The following WWTR1 variants were observed in gnomAD, a reference collection of about 807,000 sequenced individuals.
WWTR1 encodes the protein WW domain containing transcription regulator 1.
WWTR1 carries 13 observed loss-of-function variants against 40.1 expected under a neutral mutation model. The ratio of observed to expected loss-of-function variants is 0.32; its 90% CI spans 0.21 to 0.52. The LOEUF (loss-of-function observed/expected upper bound fraction) is 0.52, where lower values mean the gene tolerates loss of function less well. Among genes scored for constraint, WWTR1 ranks in the 20% least tolerant of loss-of-function variants. The pLI is 0.97. For missense variants in WWTR1, 436 were observed against 523.1 expected (o/e 0.83, Z 1.63); for synonymous variants, 230 against 210.1 (o/e 1.09, Z -0.82).
intron 5 of WWTR1, among the ~76,000 whole-genome samples, chr3:149,717,110 C>G (rs1330561576): frequency 6.6e-6 from 1 of 152,044 alleles, no homozygotes; most frequent in Non-Finnish European, 1.5e-5. Flanking sequence ...GAGGCTGCAG[C>G]GAGCTGAGAT....
chr3:149,646,850 A>G (rs543119600), intron 2 of WWTR1, among the ~76,000 whole-genome samples: 25 of 152,308 alleles, frequency 1.6e-4, no homozygotes, highest in Admixed American at 3.3e-4. Flanking sequence ...TTTCTTTTCC[A>G]CTTTCCTCCC....
intron 1 of WWTR1, among the ~76,000 whole-genome samples, chr3:149,701,164 T>A (rs964166845): frequency 1.3e-5 from 2 of 152,214 alleles, no homozygotes; most frequent in African/African-American, 4.8e-5. Flanking sequence ...TTTTTAGGCA[T>A]ATGTAGTAAC....
chr3:149,667,752 C>T (rs725624), intron 2 of WWTR1, among the ~76,000 whole-genome samples: 30,132 of 151,902 alleles, frequency 0.2, 3,238 homozygotes, highest in Admixed American at 0.3. Flanking sequence ...CCAGTGGCTG[C>T]ACGTTGTAGT....
intron 2 of WWTR1, among the ~76,000 whole-genome samples, chr3:149,575,853 G>A (rs1360272760): frequency 6.6e-6 from 1 of 152,088 alleles, no homozygotes; most frequent in Non-Finnish European, 1.5e-5. Context: ...GACAGAGTGT[G>A]GGGCCTTCTG....
chr3:149,597,800 C>T (rs987727103), intron 2 of WWTR1, among the ~76,000 whole-genome samples: 8 of 152,152 alleles, frequency 5.3e-5, no homozygotes, highest in Non-Finnish European at 1.2e-4. Flanking sequence ...CACTTTACTT[C>T]GTGCCACTGA....
intron 4 of WWTR1, among the ~76,000 whole-genome samples, chr3:149,533,315 T>G (rs1735676194): frequency 6.6e-6 from 1 of 152,170 alleles, no homozygotes; most frequent in Non-Finnish European, 1.5e-5. Context: ...CTGAAATCTT[T>G]TCAAAGAGTG....
At chr3:149,556,027 G>C (rs896347886) in intron 3 of WWTR1, among the ~76,000 whole-genome samples, 2 of 152,234 alleles carry the variant, frequency 1.3e-5, no homozygotes, top group Non-Finnish European at 2.9e-5. Context: ...TGGAAACTGT[G>C]AGCTTGGAGT....
intron 4 of WWTR1, among the ~76,000 whole-genome samples, chr3:149,533,004 A>T (rs924620778): frequency 6.6e-6 from 1 of 152,174 alleles, no homozygotes; most frequent in African/African-American, 2.4e-5. Flanking sequence ...TTCACTCAGC[A>T]CCCCTTCCTT....
At chr3:149,556,701 G>GT (rs1324881765) in intron 3 of WWTR1, among the ~76,000 whole-genome samples, 1 of 152,088 alleles carries the variant, frequency 6.6e-6, no homozygotes, top group Non-Finnish European at 1.5e-5. Flanking sequence ...AAGGAATAAG[G>GT]TTTGGGGCAA....
intron 2 of WWTR1, among the ~76,000 whole-genome samples, chr3:149,640,204 T>C (rs1712085133): frequency 6.6e-6 from 1 of 152,144 alleles, no homozygotes; most frequent in African/African-American, 2.4e-5. Flanking sequence ...AATGCCTCTC[T>C]ACCAGTGTCA....
chr3:149,553,963 TCG>T (rs1426156459), intron 3 of WWTR1, among the ~76,000 whole-genome samples: 1 of 152,162 alleles, frequency 6.6e-6, no homozygotes, highest in East Asian at 1.9e-4. Context: ...GACGCGTCTC[TCG>T]CCCTCCTTGT....
chr3:149,710,728 C>T (rs1359749490), intron 5 of WWTR1, among the ~76,000 whole-genome samples: 5 of 151,516 alleles, frequency 3.3e-5, no homozygotes, highest in African/African-American at 4.8e-5. Flanking sequence ...TATAGGTGCA[C>T]GCCACCAGGC....
upstream of WWTR1, among the ~76,000 whole-genome samples, chr3:149,661,925 G>T (rs1349636181): frequency 6.6e-6 from 1 of 151,162 alleles, no homozygotes; most frequent in Non-Finnish European, 1.5e-5. Flanking sequence ...TAGAGACGGG[G>T]TTTCACCATT....
At chr3:149,595,727 A>T (rs1289522809) in intron 2 of WWTR1, among the ~76,000 whole-genome samples, 1 of 152,138 alleles carries the variant, frequency 6.6e-6, no homozygotes, top group Non-Finnish European at 1.5e-5. Context: ...CATTCATATT[A>T]TGGTTCAAAT....
chr3:149,616,321 T>A (rs1446530487), intron 2 of WWTR1, among the ~76,000 whole-genome samples: 2 of 152,212 alleles, frequency 1.3e-5, no homozygotes. Context: ...TGACCCTATC[T>A]TTAAAAATTC....
chr3:149,679,405 CAATG>C (rs889625615), intron 1 of WWTR1, among the ~76,000 whole-genome samples: 2 of 152,170 alleles, frequency 1.3e-5, no homozygotes, highest in African/African-American at 4.8e-5. Flanking sequence ...ACATATTCAC[CAATG>C]AATATGTCCT....
intron 4 of WWTR1, 77 bp from the exon 5 acceptor site, chr3:149,528,046 C>T: frequency 6.5e-7 from 1 of 1,527,912 alleles, no homozygotes; most frequent in Non-Finnish European, 8.8e-7. Context: ...CACATCAAAA[C>T]TTTTCACCAA....
intron 4 of WWTR1, among the ~76,000 whole-genome samples, chr3:149,719,165 T>C (rs1715685613): frequency 6.6e-6 from 1 of 150,454 alleles, no homozygotes; most frequent in African/African-American, 2.5e-5. Flanking sequence ...ATATTCTTTT[T>C]CTTTTTTTTT....
At chr3:149,533,604 G>A (rs1449028406) in intron 4 of WWTR1, among the ~76,000 whole-genome samples, 1 of 152,252 alleles carries the variant, frequency 6.6e-6, no homozygotes, top group Non-Finnish European at 1.5e-5. Flanking sequence ...TGGGGTTTAA[G>A]TTGGGGTCCA....
Sources: allele counts gnomAD v4.1 joint callset (sites outside exome capture counted in the v4.1 genomes callset), GRCh38; gene constraint gnomAD v4.1.1; transcripts MANE v1.5; gene names NCBI Gene and HGNC (gene_info 2026-07-23, HGNC 2026-07-21).